Variants in CPEB1 observed in about 807,000 individuals in gnomAD.
The protein encoded by CPEB1 is cytoplasmic polyadenylation element binding protein 1, also known as cytoplasmic polyadenylation element-binding protein 1.
In CPEB1, 7 loss-of-function variants were observed where a neutral mutation model predicts 65.8. The ratio of observed to expected loss-of-function variants is 0.11; its 90% confidence interval spans 0.06 to 0.20. CPEB1 has a LOEUF of 0.20. Among genes scored for constraint, CPEB1 ranks in the 10% least tolerant of loss-of-function variants. The pLI is 1.00. For synonymous variants in CPEB1, 262 were observed against 260.0 expected, an observed-to-expected ratio of 1.01 and a Z score of -0.08; for missense variants, 551 against 712.2, an observed-to-expected ratio of 0.77 and a Z score of 2.58.
At chr15:82,613,033 GA>G (rs919916133) in intron 3 of CPEB1, among the ~76,000 whole-genome samples, 21 of 139,350 alleles carry the variant, frequency 1.5e-4, no homozygotes, top group South Asian at 2.6e-4. Context: ...GAACAGCGAG[GA>G]AAAAAAAAAA....
At chr15:82,629,151 T>G (rs2151325879) in intron 1 of CPEB1, 1 of 449,190 alleles carries the variant, frequency 2.2e-6, no homozygotes, top group Non-Finnish European at 2.9e-6. Flanking sequence ...TGCCATTTAT[T>G]GGCTGTGTGA....
rs561936215 is a variant in CPEB1 at position 82,621,451 on chromosome 15, G to A, written c.271+5742C>T. Among the ~76,000 whole-genome samples, 6 of 151,938 alleles carry A rather than the reference G, an allele frequency of 3.9e-5. No individual in the cohort carries two copies. In the East Asian group the frequency reaches 7.8e-4, roughly 20 times the overall value. ...AGCCTGACCAATATGGAGAAACCCC[G>A]TCTCTACTAAAAATACAAAATTAGC... On this transcript the variant is annotated intron_variant, in intron 3 of 12. Coordinates refer to ENST00000684509, the MANE Select transcript of CPEB1 (RefSeq NM_001365242.1).
At chr15:82,558,176 G>C (rs1418379465) in intron 4 of CPEB1, among the ~76,000 whole-genome samples, 190 bp from the exon 5 acceptor site, 1 of 152,182 alleles carries the variant, frequency 6.6e-6, no homozygotes, top group African/African-American at 2.4e-5. Flanking sequence ...CTTGTTAGAG[G>C]AAGTTACAAG....
At chr15:82,642,261 A>G (rs2047173818) in intron 1 of CPEB1, among the ~76,000 whole-genome samples, 1 of 152,230 alleles carries the variant, frequency 6.6e-6, no homozygotes, top group Admixed American at 6.5e-5. Context: ...ATGGTGACCA[A>G]AAAGCTTTAA....
At chr15:82,581,988 C>A (rs900018589) in intron 3 of CPEB1, among the ~76,000 whole-genome samples, 3 of 152,128 alleles carry the variant, frequency 2.0e-5, no homozygotes, top group African/African-American at 7.2e-5. Context: ...ATTTTTCTAA[C>A]TGTATATAAT....
At chr15:82,602,665 G>A (rs2043218305) in intron 3 of CPEB1, among the ~76,000 whole-genome samples, 1 of 152,126 alleles carries the variant, frequency 6.6e-6, no homozygotes, top group Non-Finnish European at 1.5e-5. Context: ...GGCCAACATG[G>A]TGAAAACCCG....
At chr15:82,592,577 CAAAAAA>C (rs71453399) in intron 3 of CPEB1, among the ~76,000 whole-genome samples, 1 of 85,438 alleles carries the variant, frequency 1.2e-5, no homozygotes, top group East Asian at 3.8e-4. Flanking sequence ...GATATTGTCT[CAAAAAA>C]AAAAAAAAAA....
chr15:82,617,044 C>G (rs783526), intron 3 of CPEB1, among the ~76,000 whole-genome samples: 1 of 151,964 alleles, frequency 6.6e-6, no homozygotes, highest in Non-Finnish European at 1.5e-5. Context: ...GTTTAATACC[C>G]TTTTGAAATC....
At chr15:82,564,320 C>G (rs1253382387) in intron 4 of CPEB1, among the ~76,000 whole-genome samples, 2 of 152,032 alleles carry the variant, frequency 1.3e-5, no homozygotes, top group Admixed American at 6.5e-5. Context: ...GAGTCTCGCT[C>G]TGTTGCCCAG....
chr15:82,568,051 C>T (rs2039435099), intron 4 of CPEB1, among the ~76,000 whole-genome samples: 1 of 152,104 alleles, frequency 6.6e-6, no homozygotes, highest in Admixed American at 6.5e-5. Flanking sequence ...TTTAAGTTTT[C>T]TCACCCAATA....
intron 10 of CPEB1, chr15:82,548,699 C>A (rs560932370): frequency 2.2e-6 from 1 of 455,712 alleles, no homozygotes; most frequent in Non-Finnish European, 4.4e-6. Flanking sequence ...TGGAAGAAGC[C>A]CCATCCTGCC....
chr15:82,571,743 C>G, intron 3 of CPEB1: 6 of 1,395,302 alleles, frequency 4.3e-6, no homozygotes, highest in Non-Finnish European at 5.6e-6. Context: ...CACACACACC[C>G]CTATCCCGTC....
chr15:82,549,526 A>G lies in CPEB1; in HGVS notation c.1414T>C (p.Leu472=). 6.2e-7 allele frequency: 1 copy of G among 1,614,218 alleles called. No individual in the cohort carries two copies. The highest frequency in any genetic ancestry group is 1.1e-5 in the South Asian group (1 of 91,090). ...ACCACTCCACCAAATAGGTCGTTCA[A>G]GATGGCTGCCAGGGCCTCAGCATTT... is the stretch of plus-strand genomic sequence containing the variant. ...MLNAEALAAI[L]NDLFGGVVYA... is the part of the protein sequence containing the mutation. Residue 472 remains leucine (L), a synonymous_variant, in exon 10 of 13, where the codon TTG becomes CTG. Transcript: ENST00000684509.
chr15:82,640,329 T>C (rs914843251), intron 1 of CPEB1, among the ~76,000 whole-genome samples: 2 of 152,164 alleles, frequency 1.3e-5, no homozygotes, highest in African/African-American at 4.8e-5. Flanking sequence ...CTGCTGTGAA[T>C]ATTCTTGTGC....
intron 1 of CPEB1, 108 bp from the exon 2 acceptor site, chr15:82,628,664 T>C (rs2045977626): frequency 1.8e-6 from 1 of 564,682 alleles, no homozygotes; most frequent in South Asian, 2.2e-5. Flanking sequence ...ACACTGACTG[T>C]GCCTGCTTCT....
chr15:82,560,937 G>A (rs1432707302), intron 4 of CPEB1, among the ~76,000 whole-genome samples: 1 of 152,266 alleles, frequency 6.6e-6, no homozygotes, highest in Non-Finnish European at 1.5e-5. Context: ...AGGAATAAAT[G>A]TGACAACAGA....
At chr15:82,576,150 A>C (rs184185097) in intron 3 of CPEB1, among the ~76,000 whole-genome samples, 7 of 152,396 alleles carry the variant, frequency 4.6e-5, no homozygotes, top group African/African-American at 1.7e-4. Context: ...AAAAGGAATA[A>C]TACAGGCAAC....
intron 4 of CPEB1, among the ~76,000 whole-genome samples, chr15:82,564,114 C>T (rs186790194): frequency 3.6e-4 from 55 of 152,268 alleles, no homozygotes; most frequent in Non-Finnish European, 6.6e-4. Context: ...CAATCTTTAC[C>T]ATCCTACTCC....
chr15:82,571,859 G>A (rs569135992), intron 3 of CPEB1: 1 of 1,089,646 alleles, frequency 9.2e-7, no homozygotes, highest in Admixed American at 4.7e-5. Context: ...ATCCCTCACA[G>A]AACGGGGGAG....
Sources: gnomAD v4.1 joint callset for allele counts (sites outside exome capture counted in the v4.1 genomes callset) on GRCh38, gnomAD v4.1.1 for gene constraint, MANE v1.5 for transcripts, NCBI Gene and HGNC (gene_info 2026-07-23, HGNC 2026-07-21) for gene names.